TOP2B: variants seen among roughly 807,000 people sequenced by gnomAD.
TOP2B encodes the protein DNA topoisomerase 2-beta.
TOP2B carries 51 observed loss-of-function variants against 193.5 expected under a neutral mutation model. That is an observed-to-expected ratio of 0.26 (90% CI 0.21 to 0.33). The LOEUF (loss-of-function observed/expected upper bound fraction) is 0.33, where lower values mean the gene tolerates loss of function less well. Ranked by LOEUF, TOP2B falls within the 10% of genes least tolerant of loss-of-function variation. TOP2B has a pLI of 1.00. For synonymous variants in TOP2B, 634 were observed against 635.7 expected (o/e 1.00, Z 0.04); for missense variants, 1,378 against 1,909.3 (o/e 0.72, Z 5.19).
chr3:25,636,270 C>A, intron 6 of TOP2B, 122 bp from the exon 7 acceptor site: 1 of 641,690 alleles, frequency 1.6e-6, no homozygotes, highest in Non-Finnish European at 2.5e-6. Flanking sequence ...TCACAACAAA[C>A]CAAACAAATC....
chr3:25,601,128 G>T lies in TOP2B; in HGVS notation c.4587C>A (p.Gly1529=). The change falls in exon 34 of 36, where the codon GGC becomes GGA. Residue 1529 remains glycine, a synonymous_variant. Transcript: ENST00000264331. ...TTGGTGTTGTAGTCTTCTTTGGAATGCCAAATTCTGAATCCGAGTCAGAGT... is the reference window on the plus strand; with the variant it reads ...TTGGTGTTGTAGTCTTCTTTGGAATTCCAAATTCTGAATCCGAGTCAGAGT... The part of the protein sequence containing the change: ...AVNSDSDSEF[G]IPKKTTTPKG... 6.2e-7 allele frequency: 1 copy of T among 1,613,584 alleles called. No homozygotes were observed.
At chr3:25,647,471 T>C (rs998032196) in intron 1 of TOP2B, among the ~76,000 whole-genome samples, 6 of 152,156 alleles carry the variant, frequency 3.9e-5, no homozygotes, top group South Asian at 2.1e-4. Context: ...ATGATAACCA[T>C]ACAAATAAAA....
intron 33 of TOP2B, 70 bp from the exon 34 acceptor site, chr3:25,601,295 T>G: frequency 6.6e-7 from 1 of 1,511,700 alleles, no homozygotes; most frequent in African/African-American, 1.4e-5. Flanking sequence ...GAGTCCTATA[T>G]AAATGGAATT....
chr3:25,661,674 G>A (rs1226026096), intron 1 of TOP2B, among the ~76,000 whole-genome samples: 3 of 151,982 alleles, frequency 2.0e-5, no homozygotes, highest in African/African-American at 7.3e-5. Context: ...AAAAATTCTG[G>A]TTGAGATACT....
chr3:25,601,030 AT>A, intron 34 of TOP2B, 69 bp downstream of exon 34: 1 of 1,519,650 alleles, frequency 6.6e-7, no homozygotes, highest in Non-Finnish European at 8.9e-7. Context: ...TCTAAATTCA[AT>A]GAGGTAGAAA....
rs370205153 is a variant in TOP2B, at chr3:25,624,350, C to T, written c.2442G>A (p.Arg814=). The part of the protein sequence containing the change: ...LLQPIGQFGT[R]LHGGKDAASP... ...TTGCAGCATCTTTGCCACCATGAAG[C>T]CGAGTTCCAAACTGACCAATAGGCT... The change falls in exon 20 of 36, where the codon CGG becomes CGA. Residue 814 remains arginine (R), a synonymous_variant. Transcript: ENST00000264331. The T allele has an allele frequency of 6.2e-7, 1 of 1,613,916 alleles. No individual in the cohort carries two copies. Among genetic ancestry groups the T allele is most frequent in the East Asian group, 2.2e-5 (1 of 44,874 alleles).
intron 23 of TOP2B, 139 bp downstream of exon 23, chr3:25,619,723 A>C (rs1702607066): frequency 1.6e-6 from 1 of 623,272 alleles, no homozygotes; most frequent in Admixed American, 3.0e-5. Flanking sequence ...AATCTTCAGC[A>C]AATCTGCAGG....
rs1335859540 is a variant in TOP2B at position 25,601,146 on chromosome 3, G to A, written c.4569C>T (p.Asp1523=). 1.2e-6 allele frequency: 2 copies of A among 1,613,618 alleles called. No homozygotes were observed. Among genetic ancestry groups the A allele is most frequent in the Non-Finnish European group, 1.7e-6 (2 of 1,179,696 alleles). ...QKKVVEAVNS[D]SDSEFGIPKK... The stretch of plus-strand genomic sequence containing the variant: ...TTGGAATGCCAAATTCTGAATCCGA[G>A]TCAGAGTTTACAGCCTCTACTACTT... The change falls in exon 34 of 36, where the codon GAC becomes GAT. Residue 1523 remains aspartate, a synonymous_variant. Coordinates refer to ENST00000264331, the MANE Select transcript of TOP2B (RefSeq NM_001330700.2).
intron 33 of TOP2B, among the ~76,000 whole-genome samples, chr3:25,603,742 G>A (rs1432586832): frequency 6.6e-6 from 1 of 152,204 alleles, no homozygotes; most frequent in Non-Finnish European, 1.5e-5. Context: ...CATCACTCTA[G>A]GAGCTTAATT....
intron 5 of TOP2B, 110 bp downstream of exon 5, chr3:25,638,055 A>T: frequency 2.0e-6 from 2 of 1,005,666 alleles, no homozygotes; most frequent in Non-Finnish European, 2.9e-6. Context: ...TATAAATATT[A>T]ATTCTGACAA....
At chr3:25,651,312 T>C (rs949649065) in intron 1 of TOP2B, among the ~76,000 whole-genome samples, 1 of 152,078 alleles carries the variant, frequency 6.6e-6, no homozygotes, top group Non-Finnish European at 1.5e-5. Context: ...AGTTTTCATA[T>C]GGCATTGAAG....
At chr3:25,662,042 G>A (rs1703930252) in intron 1 of TOP2B, among the ~76,000 whole-genome samples, 1 of 152,282 alleles carries the variant, frequency 6.6e-6, no homozygotes, top group Admixed American at 6.5e-5. Flanking sequence ...TTTTACCCCA[G>A]CTAAAAGATA....
In TOP2B at chr3:25,605,060, C is replaced by T. The variant is rs536883690; in HGVS notation, c.4379-190G>A. ...ATCAGTTATACACCAAAAATGTTAA[C>T]TATGTGGTGAAATAACACAGAAGTG... On this transcript the variant is annotated intron_variant, in intron 32 of 35. Coordinates refer to ENST00000264331, the MANE Select transcript of TOP2B (RefSeq NM_001330700.2). Among the ~76,000 whole-genome samples the T allele has an allele frequency of 9.2e-5, 14 of 152,166 alleles. No homozygotes were observed. The South Asian group carries it at 2.9e-3, about 32-fold the overall frequency.
At position 25,632,457 on chromosome 3, in the gene TOP2B, A is replaced by T; in HGVS notation, c.1255T>A (p.Phe419Ile). The T allele has an allele frequency of 6.4e-7, 1 of 1,564,884 alleles. No homozygotes were observed. The highest frequency in any genetic ancestry group is 8.6e-7 in the Non-Finnish European group (1 of 1,156,072). The change falls in exon 10 of 36, where the codon TTT becomes ATT. Residue 419 changes from phenylalanine to isoleucine, a missense_variant. Physicochemically the swap from Phe to Ile is conservative, Grantham distance 21. This residue lies in a region of TOP2B where 222 missense variants were observed against 306.6 expected (regional missense o/e 0.72). Transcript: ENST00000264331. ...FGSKCQLSEK[F>I]FKAASNCGIV... ...CAAGTTTTACTCACTGCTTTAAAAA[A>T]TTTTTCTGACAGCTGGCATTTAGAC...
intron 3 of TOP2B, among the ~76,000 whole-genome samples, chr3:25,642,618 G>A (rs915624858): frequency 1.3e-5 from 2 of 152,126 alleles, no homozygotes; most frequent in African/African-American, 4.8e-5. Context: ...AGGAGGAAAT[G>A]TTTTAGTGAT....
chr3:25,640,603 A>G (rs1015377405), intron 4 of TOP2B, among the ~76,000 whole-genome samples: 1 of 152,132 alleles, frequency 6.6e-6, no homozygotes, highest in Non-Finnish European at 1.5e-5. Context: ...TTAAAAACAG[A>G]GTATAAAATG....
rs61739570 is a variant in TOP2B at position 25,598,337 on chromosome 3, T to A, written c.4851A>T (p.Glu1617Asp). The change falls in exon 36 of 36, where the codon GAA becomes GAT. Residue 1617 changes from glutamate to aspartate, a missense_variant. Physicochemically the swap from Glu to Asp is conservative, Grantham distance 45. This residue lies in a region of TOP2B where 556 missense variants were observed against 584.2 expected (regional missense o/e 0.95). Transcript: ENST00000264331. Reference protein sequence around the residue: ...VKYFAESDEEEDDVDFAMFN With the variant: ...VKYFAESDEEDDDVDFAMFN Reference sequence around the variant, plus strand: ...TAAACATTGCAAAATCAACATCATCTTCTTCTTCATCAGACTCTGCAAAAT... The same window carrying A: ...TAAACATTGCAAAATCAACATCATCATCTTCTTCATCAGACTCTGCAAAAT... 0.025 allele frequency: 40,940 copies of A among 1,609,852 alleles called. 616 individuals carry two copies. The highest frequency in any genetic ancestry group is 0.045 in the African/African-American group (3,366 of 74,880).
intron 13 of TOP2B, 150 bp from the exon 14 acceptor site, chr3:25,629,295 A>T (rs1001120399): frequency 5.7e-6 from 3 of 523,284 alleles, no homozygotes; most frequent in Middle Eastern, 5.1e-4. Context: ...ATCATACTAA[A>T]TTTTTTAATA....
intron 22 of TOP2B, 67 bp from the exon 23 acceptor site, chr3:25,620,129 TAC>T (rs1296013008): frequency 2.8e-6 from 3 of 1,061,164 alleles, no homozygotes; most frequent in Non-Finnish European, 4.1e-6. Flanking sequence ...CTACAAGTCA[TAC>T]AGTCTTGAAA....
Sources: allele counts gnomAD v4.1 joint callset (sites outside exome capture counted in the v4.1 genomes callset), GRCh38; gene constraint gnomAD v4.1.1; regional missense constraint gnomAD v4.1.1; transcripts MANE v1.5; gene names NCBI Gene and HGNC (gene_info 2026-07-23, HGNC 2026-07-21).